The following SH3PXD2B variants were observed in gnomAD, a reference collection of about 807,000 sequenced individuals.
SH3PXD2B encodes the protein SH3 and PX domain-containing protein 2B.
In SH3PXD2B, 37 loss-of-function variants were observed where a neutral mutation model predicts 73.1. The observed-to-expected ratio is 0.51, with a 90% CI of 0.39 to 0.67. The LOEUF is 0.67. Among genes scored for constraint, SH3PXD2B ranks in the 30% least tolerant of loss-of-function variants. The pLI is 0.00. For missense variants in SH3PXD2B, 1,053 were observed against 1,197.8 expected (o/e 0.88, Z 1.78); for synonymous variants, 457 against 480.5 (o/e 0.95, Z 0.64).
At chr5:172,333,086 A>G (rs905803142), downstream of SH3PXD2B, among the ~76,000 whole-genome samples, 11 of 133,948 alleles carry the variant, frequency 8.2e-5, no homozygotes, top group Non-Finnish European at 1.3e-4. Flanking sequence ...CAGGCGCCCG[A>G]CACCACGCCC....
chr5:172,372,476 G>A (rs1757727709), intron 6 of SH3PXD2B, among the ~76,000 whole-genome samples: 1 of 152,020 alleles, frequency 6.6e-6, no homozygotes, highest in South Asian at 2.1e-4. Context: ...AGAACGATGA[G>A]CCAATGAAAC....
In SH3PXD2B at chr5:172,335,184, C is replaced by T; in HGVS notation, c.*3185G>A. The T allele has an allele frequency of 1.7e-5, 17 of 997,576 alleles. No individual in the cohort carries two copies. Among genetic ancestry groups the T allele is most frequent in the Non-Finnish European group, 1.9e-5 (16 of 838,512 alleles). The allele number at this position is 997,576 out of a possible 1,614,324, so 61.8% of individuals were successfully genotyped here. On this transcript the variant is annotated 3_prime_UTR_variant, in exon 13 of 13. Transcript: ENST00000311601. ...GAGGTACCGCAAGCTGTCCGTTTGC[C>T]CTGGGATGTAAGGTAAAGTAGTTGT... is the stretch of plus-strand genomic sequence containing the variant.
chr5:172,349,891 C>A (rs1229629330), intron 10 of SH3PXD2B, among the ~76,000 whole-genome samples: 1 of 152,048 alleles, frequency 6.6e-6, no homozygotes, highest in Admixed American at 6.5e-5. Flanking sequence ...CTCTTGTCGC[C>A]CAGGCTGGAG....
intron 9 of SH3PXD2B, among the ~76,000 whole-genome samples, chr5:172,351,386 C>T (rs1263236485): frequency 6.6e-6 from 1 of 152,140 alleles, no homozygotes; most frequent in Admixed American, 6.5e-5. Context: ...TCTCGGCCTC[C>T]CAAAGTGTTG....
intron 2 of SH3PXD2B, among the ~76,000 whole-genome samples, chr5:172,418,539 A>C (rs996004238): frequency 6.6e-6 from 1 of 152,194 alleles, no homozygotes; most frequent in Admixed American, 6.5e-5. Context: ...GCCAGACAAG[A>C]GGGAGGGGAG....
At chr5:172,422,321 A>G (rs1758986167) in intron 2 of SH3PXD2B, 95 bp downstream of exon 2, 3 of 1,204,824 alleles carry the variant, frequency 2.5e-6, no homozygotes. Context: ...AGTCTGGGAA[A>G]TTAAAAAAAT....
At chr5:172,368,810 A>T (rs1318971724) in intron 6 of SH3PXD2B, among the ~76,000 whole-genome samples, 1 of 129,826 alleles carries the variant, frequency 7.7e-6, no homozygotes, top group African/African-American at 2.9e-5. Context: ...TATAATATGT[A>T]TATTAAATAT....
intron 6 of SH3PXD2B, among the ~76,000 whole-genome samples, chr5:172,371,852 C>T (rs973253706): frequency 6.6e-6 from 1 of 152,174 alleles, no homozygotes; most frequent in African/African-American, 2.4e-5. Context: ...CTCTGCCAGC[C>T]CAAGAGTGGC....
chr5:172,355,380 C>G (rs183230456), intron 8 of SH3PXD2B, among the ~76,000 whole-genome samples: 3 of 152,266 alleles, frequency 2.0e-5, no homozygotes, highest in East Asian at 1.9e-4. Flanking sequence ...GGCTGCTGGG[C>G]TGGGAGGGGT....
chr5:172,439,263 ACAAAAACAAAAACAAAAC>A (rs1489343073), intron 1 of SH3PXD2B, among the ~76,000 whole-genome samples: 1,155 of 82,190 alleles, frequency 0.014, 84 homozygotes, highest in African/African-American at 0.043. Flanking sequence ...AAAAAAAAAA[ACAAAAACAAAAACAAAAC>A]AAAAAAAAAA....
At chr5:172,385,076 C>G (rs1758029735) in intron 4 of SH3PXD2B, among the ~76,000 whole-genome samples, 1 of 152,138 alleles carries the variant, frequency 6.6e-6, no homozygotes, top group Non-Finnish European at 1.5e-5. Context: ...GTTTCTGGTC[C>G]CCCTTCTTTT....
intron 5 of SH3PXD2B, 106 bp from the exon 6 acceptor site, chr5:172,373,921 T>A (rs1462217977): frequency 1.6e-6 from 2 of 1,240,534 alleles, no homozygotes; most frequent in Non-Finnish European, 2.3e-6. Context: ...CCCCACAACA[T>A]CATCAGTGAA....
In SH3PXD2B at chr5:172,346,043, AC is replaced by A. The variant is rs1756989969; in HGVS notation, c.1188+92del. ...GTTAATCTCCGCCCCACCTCCACCCACCCAGTGAAGTAGGAGGTGACAGGGG... is the reference window on the plus strand; with the variant it reads ...GTTAATCTCCGCCCCACCTCCACCCACCAGTGAAGTAGGAGGTGACAGGGG... On this transcript the variant is annotated intron_variant, in intron 12 of 12. Coordinates refer to ENST00000311601, the MANE Select transcript of SH3PXD2B (RefSeq NM_001017995.3). 2.4e-5 allele frequency: 38 copies of A among 1,579,072 alleles called. 1 individual carries two copies. The South Asian group carries it at 3.7e-4, about 15-fold the overall frequency.
intron 6 of SH3PXD2B, 126 bp from the exon 7 acceptor site, chr5:172,362,995 A>C: frequency 8.0e-7 from 1 of 1,254,660 alleles, no homozygotes; most frequent in South Asian, 1.2e-5. Flanking sequence ...ACTCATCTCA[A>C]GGGTGACTTC....
chr5:172,333,107 T>G (rs1319477209), downstream of SH3PXD2B, among the ~76,000 whole-genome samples: 1 of 102 alleles, frequency 9.8e-3, no homozygotes, highest in East Asian at 0.25. Context: ...GGCGAATTTT[T>G]GTATTTTAGT....
chr5:172,366,947 T>TTTTTTTTTTA (rs1757541592), intron 6 of SH3PXD2B, among the ~76,000 whole-genome samples: 1 of 130,624 alleles, frequency 7.7e-6, no homozygotes, highest in African/African-American at 3.5e-5. Context: ...TTTTTTTTTT[T>TTTTTTTTTTA]TTTTTTGGGG....
Position 172,405,704 on chromosome 5 carries a change from G to C in SH3PXD2B, c.232+573C>G, listed in dbSNP as rs1004849876. Among the ~76,000 whole-genome samples, 6 of 152,306 alleles carry C rather than the reference G, an allele frequency of 3.9e-5. No homozygotes were observed. In the East Asian group the frequency reaches 7.7e-4, roughly 20 times the overall value. ...CTCATGAGACCTTGAGCAGAACCCA[G>C]TTGGGCCAAAAACCCTGCCTGGATT... On this transcript the variant is annotated intron_variant, in intron 3 of 12. Transcript: ENST00000311601.
intron 7 of SH3PXD2B, 90 bp from the exon 8 acceptor site, chr5:172,358,967 G>T: frequency 1.7e-6 from 2 of 1,198,548 alleles, no homozygotes; most frequent in Non-Finnish European, 1.2e-6. Context: ...CACTGTACCA[G>T]TGAATGCACA....
At chr5:172,420,583 C>T (rs1479892561) in intron 2 of SH3PXD2B, among the ~76,000 whole-genome samples, 6 of 152,206 alleles carry the variant, frequency 3.9e-5, no homozygotes, top group East Asian at 1.9e-4. Context: ...AGTCTTCTGA[C>T]GGCCAGGAAA....
Sources: allele counts gnomAD v4.1 joint callset (sites outside exome capture counted in the v4.1 genomes callset), GRCh38; gene constraint gnomAD v4.1.1; transcripts MANE v1.5; gene names NCBI Gene and HGNC (gene_info 2026-07-23, HGNC 2026-07-21).